The following SNX29 variants were observed in gnomAD, a reference collection of about 807,000 sequenced individuals.
SNX29 encodes sorting nexin 29, also known as sorting nexin-29.
A neutral mutation model predicts 102.1 loss-of-function variants in SNX29; 78 were observed. The observed-to-expected ratio is 0.76, with a 90% CI of 0.64 to 0.92. The LOEUF (loss-of-function observed/expected upper bound fraction) is 0.92. SNX29 is among the 40% of genes least tolerant of loss of function. The pLI is 0.00. For synonymous variants in SNX29, 580 were observed against 414.5 expected, an observed-to-expected ratio of 1.40 and a Z score of -4.85; for missense variants, 1,280 against 1,061.7, an observed-to-expected ratio of 1.21 and a Z score of -2.86.
At chr16:12,546,943 A>C (rs2077642638) in intron 20 of SNX29, among the ~76,000 whole-genome samples, 1 of 152,208 alleles carries the variant, frequency 6.6e-6, no homozygotes, top group South Asian at 2.1e-4. Context: ...AAGAGAAAAT[A>C]AATTCCCCAC....
intron 14 of SNX29, among the ~76,000 whole-genome samples, chr16:12,236,699 A>G (rs375357028): frequency 3.5e-4 from 53 of 152,302 alleles, no homozygotes; most frequent in African/African-American, 1.3e-3. Context: ...TGTGCCAGGT[A>G]CCACAGTGAA....
In SNX29 at chr16:12,571,277, C is replaced by T. The variant is rs370123758; in HGVS notation, c.*2648C>T. 5 of 232,146 alleles carry T rather than the reference C, an allele frequency of 2.2e-5. No individual in the cohort carries two copies. The East Asian group carries it at 2.4e-4, about 11-fold the overall frequency. The allele number at this position is 232,146 out of a possible 1,614,324, so 14.4% of individuals were successfully genotyped here. A position where few individuals can be genotyped will look rare whatever the true frequency, so the allele number is the denominator to read the frequency against. On this transcript the variant is annotated 3_prime_UTR_variant, in exon 21 of 21. Transcript: ENST00000566228. ...GGCCTAGCAGAATTGTGGCTGAAAC[C>T]TGGTGCCCAAATTCCACACCCTGGA...
chr16:12,444,682 C>T (rs2085964630), intron 18 of SNX29, among the ~76,000 whole-genome samples: 2 of 152,112 alleles, frequency 1.3e-5, no homozygotes. Context: ...CTCCAAGCCT[C>T]ACTCCCCAGG....
At chr16:12,006,884 G>A (rs988372522) in intron 3 of SNX29, among the ~76,000 whole-genome samples, 1 of 152,180 alleles carries the variant, frequency 6.6e-6, no homozygotes, top group Non-Finnish European at 1.5e-5. Flanking sequence ...CACCCAAAGT[G>A]TTGGTATTAC....
chr16:12,295,039 C>G (rs972168587), intron 15 of SNX29, among the ~76,000 whole-genome samples: 1 of 152,136 alleles, frequency 6.6e-6, no homozygotes, highest in Non-Finnish European at 1.5e-5. Context: ...CCTATAAAAC[C>G]AACACATCTC....
chr16:12,235,813 GTGTA>G (rs1230364033), intron 14 of SNX29, among the ~76,000 whole-genome samples: 1 of 151,520 alleles, frequency 6.6e-6, no homozygotes. Context: ...GTGTGTGTAT[GTGTA>G]TGTGTGTGTG....
At chr16:12,308,145 G>A (rs1370710321) in intron 15 of SNX29, among the ~76,000 whole-genome samples, 2 of 152,252 alleles carry the variant, frequency 1.3e-5, no homozygotes, top group African/African-American at 4.8e-5. Flanking sequence ...TCTCTGCTCT[G>A]AGGGTTTTTC....
chr16:12,296,843 A>G (rs1232704082), intron 15 of SNX29, among the ~76,000 whole-genome samples: 1 of 152,266 alleles, frequency 6.6e-6, no homozygotes, highest in Non-Finnish European at 1.5e-5. Flanking sequence ...AGGCCCACCT[A>G]GGTCAGGTGA....
intron 11 of SNX29, chr16:12,081,691 A>AAAAAAAG (rs1555456660): frequency 1.6e-4 from 14 of 88,916 alleles, no homozygotes; most frequent in East Asian, 3.6e-4. Context: ...AAAAAAAAAA[A>AAAAAAAG]AAAAGAAAAG....
At chr16:12,405,739 A>T (rs567887429) in intron 18 of SNX29, among the ~76,000 whole-genome samples, 3 of 152,348 alleles carry the variant, frequency 2.0e-5, no homozygotes, top group South Asian at 2.1e-4. Context: ...TTTTAGAATT[A>T]AAAAAGTATG....
At chr16:12,121,316 A>G (rs945326295) in intron 11 of SNX29, among the ~76,000 whole-genome samples, 7 of 152,230 alleles carry the variant, frequency 4.6e-5, no homozygotes, top group African/African-American at 1.4e-4. Flanking sequence ...ACCCATGCCA[A>G]TTTAGAACAC....
intron 13 of SNX29, among the ~76,000 whole-genome samples, chr16:12,198,071 G>A (rs1011637473): frequency 1.3e-5 from 2 of 152,132 alleles, no homozygotes; most frequent in African/African-American, 4.8e-5. Context: ...TTACTGTGGT[G>A]CATTATTAAG....
chr16:12,560,762 A>G (rs761232954), intron 20 of SNX29: 1 of 173,616 alleles, frequency 5.8e-6, no homozygotes, highest in Non-Finnish European at 1.2e-5. Context: ...TAGCCATAGG[A>G]TTTACCCTCT....
At chr16:12,273,591 C>T (rs982023825) in intron 14 of SNX29, among the ~76,000 whole-genome samples, 5 of 152,132 alleles carry the variant, frequency 3.3e-5, no homozygotes, top group African/African-American at 1.2e-4. Flanking sequence ...CACTTGACCT[C>T]AGGTGATCTG....
At chr16:12,448,411 CTGG>C (rs2086158831) in intron 18 of SNX29, among the ~76,000 whole-genome samples, 1 of 151,988 alleles carries the variant, frequency 6.6e-6, no homozygotes, top group African/African-American at 2.4e-5. Flanking sequence ...TCTTCAATTG[CTGG>C]TGAACATGTT....
At chr16:12,476,413 C>CATATATAT (rs61390803) in intron 18 of SNX29, among the ~76,000 whole-genome samples, 3 of 19,526 alleles carry the variant, frequency 1.5e-4, no homozygotes, top group Non-Finnish European at 2.9e-4. Flanking sequence ...TATATATATA[C>CATATATAT]ATATATATAT....
At chr16:12,362,318 C>G (rs149795004) in intron 16 of SNX29, among the ~76,000 whole-genome samples, 1 of 152,266 alleles carries the variant, frequency 6.6e-6, no homozygotes, top group African/African-American at 2.4e-5. Flanking sequence ...CCACAGGGCT[C>G]AGTTAGACTG....
At chr16:12,521,878 A>C (rs567562291) in intron 19 of SNX29, among the ~76,000 whole-genome samples, 1 of 152,336 alleles carries the variant, frequency 6.6e-6, no homozygotes, top group Non-Finnish European at 1.5e-5. Flanking sequence ...TCATTCGCAC[A>C]TAGCCCGCCT....
intron 15 of SNX29, among the ~76,000 whole-genome samples, chr16:12,326,181 G>T (rs2081111680): frequency 6.6e-6 from 1 of 151,710 alleles, no homozygotes; most frequent in Non-Finnish European, 1.5e-5. Context: ...GCTAATTTTT[G>T]TATATTTTTT....
Sources: allele counts gnomAD v4.1 joint callset (sites outside exome capture counted in the v4.1 genomes callset), GRCh38; gene constraint gnomAD v4.1.1; transcripts MANE v1.5; gene names NCBI Gene and HGNC (gene_info 2026-07-23, HGNC 2026-07-21).